Variants in ANKRD55 observed in about 807,000 individuals in gnomAD.
The protein encoded by ANKRD55 is ankyrin repeat domain 55.
Under a neutral mutation model 60.6 loss-of-function variants are expected in ANKRD55, and 41 were observed. The ratio of observed to expected loss-of-function variants is 0.68; its 90% CI spans 0.53 to 0.88. The LOEUF (loss-of-function observed/expected upper bound fraction) is 0.88, where lower values mean the gene tolerates loss of function less well. Among genes scored for constraint, ANKRD55 ranks in the 40% least tolerant of loss-of-function variants. The pLI, the probability that ANKRD55 is intolerant of heterozygous loss-of-function variation, is 0.00. For missense variants in ANKRD55, 732 were observed against 767.6 expected, an observed-to-expected ratio of 0.95 and a Z score of 0.55; for synonymous variants, 264 against 290.3, an observed-to-expected ratio of 0.91 and a Z score of 0.92.
chr5:56,115,097 G>C (rs1284629703), intron 9 of ANKRD55, among the ~76,000 whole-genome samples: 3 of 151,916 alleles, frequency 2.0e-5, no homozygotes, highest in Admixed American at 1.3e-4. Flanking sequence ...CTACTCAGGA[G>C]GTTGAGGTGA....
chr5:56,146,878 A>G (rs1466826031), intron 6 of ANKRD55: 3 of 152,232 alleles, frequency 2.0e-5, no homozygotes, highest in Non-Finnish European at 4.4e-5. Context: ...GTAGATGGCA[A>G]TGAGTATATG....
At chr5:56,203,886 T>C (rs996928408) in intron 2 of ANKRD55, among the ~76,000 whole-genome samples, 1 of 152,108 alleles carries the variant, frequency 6.6e-6, no homozygotes, top group Non-Finnish European at 1.5e-5. Context: ...GTATTTCTAG[T>C]TCTAGATCCC....
At chr5:56,210,662 A>G (rs1171743184) in intron 2 of ANKRD55, among the ~76,000 whole-genome samples, 1 of 151,776 alleles carries the variant, frequency 6.6e-6, no homozygotes, top group Non-Finnish European at 1.5e-5. Flanking sequence ...CTGTTTGCCA[A>G]TTAAGTTCTC....
intron 10 of ANKRD55, among the ~76,000 whole-genome samples, chr5:56,108,968 C>T (rs1186812271): frequency 6.6e-6 from 1 of 151,538 alleles, no homozygotes; most frequent in African/African-American, 2.4e-5. Context: ...ACCCAGGAGG[C>T]GGATGTTGCA....
At chr5:56,231,694 C>T (rs996163810) in intron 2 of ANKRD55, among the ~76,000 whole-genome samples, 2 of 138,284 alleles carry the variant, frequency 1.4e-5, no homozygotes, top group African/African-American at 2.6e-5. Context: ...CACACACACA[C>T]ACATACACAT....
At chr5:56,170,587 G>T in intron 5 of ANKRD55, 107 bp downstream of exon 5, 3 of 844,428 alleles carry the variant, frequency 3.6e-6, no homozygotes, top group Non-Finnish European at 5.5e-6. Context: ...AAAAAAAGAT[G>T]GTTTTCTTTT....
chr5:56,125,557 AGT>A (rs1757222849), intron 8 of ANKRD55: 1 of 151,796 alleles, frequency 6.6e-6, no homozygotes, highest in Non-Finnish European at 1.5e-5. Flanking sequence ...TGGGATTATA[AGT>A]GTGAGCCACC....
At chr5:56,231,839 C>T (rs1240257262) in intron 2 of ANKRD55, among the ~76,000 whole-genome samples, 1 of 152,058 alleles carries the variant, frequency 6.6e-6, no homozygotes, top group Non-Finnish European at 1.5e-5. Flanking sequence ...ACCCACAAAG[C>T]CAGATGTAGC....
chr5:56,180,188 C>T (rs1194466172), intron 3 of ANKRD55, among the ~76,000 whole-genome samples: 1 of 152,080 alleles, frequency 6.6e-6, no homozygotes. Flanking sequence ...GATTACTAAC[C>T]CACTCCCACA....
chr5:56,128,253 C>T (rs1232390589), intron 7 of ANKRD55, among the ~76,000 whole-genome samples: 1 of 152,078 alleles, frequency 6.6e-6, no homozygotes, highest in African/African-American at 2.4e-5. Flanking sequence ...GTTCAAAGGC[C>T]AAAACACCCT....
At chr5:56,189,999 G>T (rs959191321) in intron 2 of ANKRD55, among the ~76,000 whole-genome samples, 5 of 151,940 alleles carry the variant, frequency 3.3e-5, no homozygotes, top group Non-Finnish European at 5.9e-5. Context: ...TGTTGTTTGG[G>T]TTTTAAAAAA....
chr5:56,192,714 A>G, intron 2 of ANKRD55: 1 of 1,370,630 alleles, frequency 7.3e-7, no homozygotes, highest in Non-Finnish European at 1.0e-6. Flanking sequence ...GATAATGGAC[A>G]GAATCATCTA....
At chr5:56,113,119 G>A (rs1473128543) in intron 9 of ANKRD55, among the ~76,000 whole-genome samples, 1 of 152,132 alleles carries the variant, frequency 6.6e-6, no homozygotes, top group Non-Finnish European at 1.5e-5. Context: ...TCCTCCTCCT[G>A]TTACAGCTTG....
chr5:56,105,085 C>CT (rs755695417), intron 10 of ANKRD55, among the ~76,000 whole-genome samples: 1,300 of 123,324 alleles, frequency 0.011, 13 homozygotes, highest in South Asian at 0.031. Flanking sequence ...TGGAGCTATT[C>CT]TTTTTTTTTT....
rs116426238 is a variant in ANKRD55 at position 56,157,601 on chromosome 5, G to A, written c.483+2232C>T. Among the ~76,000 whole-genome samples the A allele has an allele frequency of 7.9e-3, 1,199 of 152,290 alleles. 6 individuals carry two copies. Among genetic ancestry groups the A allele is most frequent in the Non-Finnish European group, 0.013 (884 of 68,016 alleles). On this transcript the variant is annotated intron_variant, in intron 6 of 11. Transcript: ENST00000341048. ...AGGGCTGGAGATGAGACACGCTGGC[G>A]GCAATACTGCTCTTTAAGGCATTGA...
chr5:56,163,296 A>G (rs1006740152), intron 5 of ANKRD55, among the ~76,000 whole-genome samples: 1 of 152,100 alleles, frequency 6.6e-6, no homozygotes, highest in African/African-American at 2.4e-5. Context: ...CAGGTGTCTC[A>G]TTGCCAGCCT....
rs180804770 is a variant in ANKRD55 at position 56,143,427 on chromosome 5, A to G, written c.612+374T>C. ...GTAGAATTCAGGATCACCTGAAATGACTCTGCTGGGGAGGATTTGGAAGCA... is the reference window on the plus strand; with the variant it reads ...GTAGAATTCAGGATCACCTGAAATGGCTCTGCTGGGGAGGATTTGGAAGCA... On this transcript the variant is annotated intron_variant, in intron 7 of 11. Coordinates refer to ENST00000341048, the MANE Select transcript of ANKRD55 (RefSeq NM_024669.3). Among the ~76,000 whole-genome samples, 290 of 152,058 alleles carry G rather than the reference A, an allele frequency of 1.9e-3. 1 individual carries two copies. The highest frequency in any genetic ancestry group is 5.0e-3 in the African/African-American group (209 of 41,472).
intron 3 of ANKRD55, among the ~76,000 whole-genome samples, chr5:56,176,959 C>T (rs769836665): frequency 6.6e-6 from 1 of 152,176 alleles, no homozygotes; most frequent in Non-Finnish European, 1.5e-5. Flanking sequence ...TCACTCCTTG[C>T]CCAGTCGAGA....
At chr5:56,152,302 A>C (rs1161308014) in intron 6 of ANKRD55, among the ~76,000 whole-genome samples, 1 of 151,744 alleles carries the variant, frequency 6.6e-6, no homozygotes, top group African/African-American at 2.4e-5. Flanking sequence ...TATGTCCAAA[A>C]GGTCACATCT....
Sources: gnomAD v4.1 joint callset for allele counts (sites outside exome capture counted in the v4.1 genomes callset) on GRCh38, gnomAD v4.1.1 for gene constraint, MANE v1.5 for transcripts, NCBI Gene and HGNC (gene_info 2026-07-23, HGNC 2026-07-21) for gene names.